SH3BP4: variants seen among roughly 807,000 people sequenced by gnomAD.
The protein encoded by SH3BP4 is SH3 domain binding protein 4.
Under a neutral mutation model 65.5 loss-of-function variants are expected in SH3BP4, and 33 were observed. That is an observed-to-expected ratio of 0.50 (90% CI 0.38 to 0.67). The LOEUF is 0.67. Among genes scored for constraint, SH3BP4 ranks in the 30% least tolerant of loss-of-function variants. The pLI is 0.00. For synonymous variants in SH3BP4, 552 were observed against 545.5 expected (o/e 1.01, Z -0.17); for missense variants, 1,134 against 1,261.4 (o/e 0.90, Z 1.53).
chr2:234,977,135 AAATAG>A lies in SH3BP4; in HGVS notation c.-206-18167_-206-18163del, dbSNP rs1040823219. 2.0e-5 allele frequency among the ~76,000 whole-genome samples: 3 copies of A among 152,182 alleles called. No homozygotes were observed. The highest frequency in any genetic ancestry group is 7.2e-5 in the African/African-American group (3 of 41,448). On this transcript the variant is annotated intron_variant, in intron 1 of 5. Transcript: ENST00000392011. This position sits in a 1 kb window ranked among gnomAD's most constrained non-coding sequence, Gnocchi z 5.1. ...CCTAAAAGAAAAAGCTTATTTAAGA[AAATAG>A]GTAAGAGTGGTTAGGAAGGCTGGTT...
In SH3BP4 at chr2:235,052,881, G is replaced by A. The variant is rs1696106915; in HGVS notation, c.2667+131G>A. ...GGGTGCAACAGGTGGAAATGTGCAC[G>A]CATGTGCCCAGCACTGGGTGTGCCT... On this transcript the variant is annotated intron_variant, in intron 5 of 5. Transcript: ENST00000392011. This position sits in a 1 kb window ranked among gnomAD's most constrained non-coding sequence, Gnocchi z 5.0. 1.7e-5 allele frequency: 15 copies of A among 863,514 alleles called. No homozygotes were observed. The highest frequency in any genetic ancestry group is 1.1e-4 in the South Asian group (6 of 56,762). 53.5% of individuals were successfully genotyped at this position (863,514 alleles called of 1,614,324 possible).
chr2:234,968,815 G>T (rs1692904873), intron 1 of SH3BP4, among the ~76,000 whole-genome samples: 1 of 152,224 alleles, frequency 6.6e-6, no homozygotes, highest in Admixed American at 6.5e-5. Flanking sequence ...GAAATCCTGT[G>T]TGTGTGTATT....
rs1692380820 is a variant in SH3BP4, at chr2:234,991,598, G to A, written c.-206-3705G>A. ...ACGCTAAACCGTGTGGTTTTCTTGGGGCCCCTGAAGACTGACGGGTCCACA... is the reference window on the plus strand; with the variant it reads ...ACGCTAAACCGTGTGGTTTTCTTGGAGCCCCTGAAGACTGACGGGTCCACA... On this transcript the variant is annotated intron_variant, in intron 1 of 5. Transcript: ENST00000392011. This position sits in a 1 kb window ranked among gnomAD's most constrained non-coding sequence, Gnocchi z 4.2. Among the ~76,000 whole-genome samples, 1 of 152,148 alleles carries A rather than the reference G, an allele frequency of 6.6e-6. No individual in the cohort carries two copies. The highest frequency in any genetic ancestry group is 1.5e-5 in the Non-Finnish European group (1 of 68,026).
In SH3BP4 at chr2:235,046,163, C is replaced by T. The variant is rs894300641; in HGVS notation, c.2478+2916C>T. Among the ~76,000 whole-genome samples, 2 of 152,186 alleles carry T rather than the reference C, an allele frequency of 1.3e-5. No individual in the cohort carries two copies. The highest frequency in any genetic ancestry group is 3.2e-3 in the Middle Eastern group (1 of 316). On this transcript the variant is annotated intron_variant, in intron 4 of 5. Coordinates refer to ENST00000392011, the MANE Select transcript of SH3BP4 (RefSeq NM_014521.3). This position sits in a 1 kb window ranked among gnomAD's most constrained non-coding sequence, Gnocchi z 4.2. ...TCTTCCTGGAGCTCCCTTTCCCAGA[C>T]CTCCTCATCTCCCTCAGCTGCCAGC...
rs1559257049 is a variant in SH3BP4, at chr2:235,042,075, G to A, written c.1306G>A (p.Asp436Asn). The A allele has an allele frequency of 6.2e-7, 1 of 1,614,050 alleles. No individual in the cohort carries two copies. The highest frequency in any genetic ancestry group is 1.7e-5 in the Admixed American group (1 of 60,028). ...VSVPLNCSCG[D>N]TVQAQLHNLE... ...CGTCCCGCTCAACTGCAGCTGTGGG[G>A]ACACGGTCCAGGCACAGCTGCACAA... Residue 436 changes from aspartate (D) to asparagine (N), a missense_variant, in exon 4 of 6, where the codon GAC (aspartate) becomes AAC (asparagine). Physicochemically the swap from Asp to Asn is conservative, Grantham distance 23. Transcript: ENST00000392011. The surrounding 1 kb of genome is among the most constrained non-coding windows in gnomAD (Gnocchi z 7.3).
intron 2 of SH3BP4, among the ~76,000 whole-genome samples, chr2:235,001,424 G>A (rs555207862): frequency 2.0e-5 from 3 of 152,180 alleles, no homozygotes; most frequent in Admixed American, 1.3e-4. Flanking sequence ...AAGCCGAGGC[G>A]GGACCTAATG....
rs1431252739 is a variant in SH3BP4 at position 235,016,693 on chromosome 2, T to TA, written c.-132-18177dup. Among the ~76,000 whole-genome samples the TA allele has an allele frequency of 4.6e-5, 7 of 152,110 alleles. No individual in the cohort carries two copies. In the East Asian group the frequency reaches 1.4e-3, roughly 29 times the overall value. Reference sequence around the variant, plus strand: ...TCAGCTAATTTTTTTGTATTTTTATTAGAGATGGGGTTTCACCATGTTGGC... The same window carrying TA: ...TCAGCTAATTTTTTTGTATTTTTATTAAGAGATGGGGTTTCACCATGTTGGC... On this transcript the variant is annotated intron_variant, in intron 2 of 5. Transcript: ENST00000392011.
intron 2 of SH3BP4, among the ~76,000 whole-genome samples, chr2:235,016,930 C>T (rs1163344329): frequency 6.6e-6 from 1 of 152,158 alleles, no homozygotes; most frequent in Middle Eastern, 3.2e-3. Flanking sequence ...CTTGACACTT[C>T]CCTTGAGAGC....
rs1183285488 is a variant in SH3BP4, at chr2:234,952,271, AGATCGTGCCGCGGGCGCC to A, written c.-207+111_-207+128del. The A allele has an allele frequency of 5.3e-5, 8 of 150,186 alleles. No individual in the cohort carries two copies. The highest frequency in any genetic ancestry group is 2.0e-4 in the African/African-American group (8 of 41,008). 9.3% of individuals were successfully genotyped at this position (150,186 alleles called of 1,614,324 possible). A position where few individuals can be genotyped will look rare whatever the true frequency, so the allele number is the denominator to read the frequency against. ...GGGCTTTGCACTCCCTTGCGGGCGC[AGATCGTGCCGCGGGCGCC>A]GATCGTGCCACCGCCGCCTGAGTTC... is the stretch of plus-strand genomic sequence containing the variant. On this transcript the variant is annotated intron_variant, in intron 1 of 5. Transcript: ENST00000392011. This position sits in a 1 kb window ranked among gnomAD's most constrained non-coding sequence, Gnocchi z 6.5.
chr2:234,998,507 G>A (rs533462776), intron 2 of SH3BP4, among the ~76,000 whole-genome samples: 2 of 152,242 alleles, frequency 1.3e-5, no homozygotes, highest in African/African-American at 4.8e-5. Context: ...TCAGACTGAG[G>A]TTCTCCAAAG....
chr2:235,042,746 T>TA lies in SH3BP4; in HGVS notation c.1979dup (p.Leu661ValfsTer114). 1 of 1,614,042 alleles carries TA rather than the reference T, an allele frequency of 6.2e-7. No homozygotes were observed. Among genetic ancestry groups the TA allele is most frequent in the Non-Finnish European group, 8.5e-7 (1 of 1,180,000 alleles). ...GCCCGGTGTCCAGCCTCAAGTTTGG[T>TA]AAGTTGCTCAAGACTGTGGTGCGGC... is the stretch of plus-strand genomic sequence containing the variant. On this transcript the variant is annotated frameshift_variant, in exon 4 of 6. Coordinates refer to ENST00000392011, the MANE Select transcript of SH3BP4 (RefSeq NM_014521.3). LOFTEE classifies it high-confidence loss of function. This position sits in a 1 kb window ranked among gnomAD's most constrained non-coding sequence, Gnocchi z 7.3.
At chr2:234,987,175 T>C (rs1693588160) in intron 1 of SH3BP4, among the ~76,000 whole-genome samples, 1 of 152,188 alleles carries the variant, frequency 6.6e-6, no homozygotes, top group Non-Finnish European at 1.5e-5. Flanking sequence ...CTGAGCGTTG[T>C]TGGGCCCAGC....
At chr2:235,012,386 T>A (rs146958825) in intron 2 of SH3BP4, among the ~76,000 whole-genome samples, 20 of 152,356 alleles carry the variant, frequency 1.3e-4, no homozygotes, top group African/African-American at 4.6e-4. Flanking sequence ...AAATGTGTCC[T>A]GTAACGTTCT....
At chr2:234,970,198 G>A (rs748346275) in intron 1 of SH3BP4, among the ~76,000 whole-genome samples, 9 of 152,142 alleles carry the variant, frequency 5.9e-5, no homozygotes, top group Non-Finnish European at 8.8e-5. Flanking sequence ...AGTTGTAGCC[G>A]TATTGGTCAG....
chr2:234,962,849 C>T (rs973332023), intron 1 of SH3BP4, among the ~76,000 whole-genome samples: 6 of 152,090 alleles, frequency 3.9e-5, no homozygotes, highest in African/African-American at 1.4e-4. Flanking sequence ...CCTCAGCCTC[C>T]CTAGTAGCTG....
At chr2:235,022,615 T>C (rs1024188232) in intron 2 of SH3BP4, among the ~76,000 whole-genome samples, 1 of 152,148 alleles carries the variant, frequency 6.6e-6, no homozygotes, top group African/African-American at 2.4e-5. Flanking sequence ...AATCGAGACA[T>C]TGACGGCCCA....
intron 2 of SH3BP4, among the ~76,000 whole-genome samples, chr2:235,028,594 C>T (rs1357065110): frequency 6.6e-6 from 1 of 152,172 alleles, no homozygotes; most frequent in Non-Finnish European, 1.5e-5. Flanking sequence ...GCCAACCATG[C>T]ACATGACAGG....
intron 2 of SH3BP4, among the ~76,000 whole-genome samples, chr2:235,010,873 C>T (rs1574817582): frequency 1.6e-5 from 2 of 121,588 alleles, no homozygotes; most frequent in Non-Finnish European, 1.9e-5. Flanking sequence ...GAGAAACCTT[C>T]CTCCCTCTTC....
chr2:234,986,128 G>C (rs963552634), intron 1 of SH3BP4, among the ~76,000 whole-genome samples: 1 of 152,222 alleles, frequency 6.6e-6, no homozygotes, highest in African/African-American at 2.4e-5. Flanking sequence ...CCATGTGCAG[G>C]TGAACCAGCC....
Sources: allele counts gnomAD v4.1 joint callset (sites outside exome capture counted in the v4.1 genomes callset), GRCh38; gene constraint gnomAD v4.1.1; non-coding constraint Gnocchi (gnomAD v3.1); transcripts MANE v1.5; gene names NCBI Gene and HGNC (gene_info 2026-07-23, HGNC 2026-07-21).